DPYD: variants seen among roughly 807,000 people sequenced by gnomAD.
DPYD encodes dihydropyrimidine dehydrogenase, also known as dihydropyrimidine dehydrogenase [NADP(+)].
A neutral mutation model predicts 116.2 loss-of-function variants in DPYD; 109 were observed. The observed-to-expected ratio is 0.94, with a 90% CI of 0.80 to 1.10. DPYD has a LOEUF of 1.10. DPYD is among the 50% of genes least tolerant of loss of function. DPYD has a pLI of 0.00. For synonymous variants in DPYD, 440 were observed against 432.0 expected, an observed-to-expected ratio of 1.02 and a Z score of -0.23; for missense variants, 1,302 against 1,254.5, an observed-to-expected ratio of 1.04 and a Z score of -0.57.
chr1:97,450,921 C>T (rs184604678), intron 13 of DPYD, among the ~76,000 whole-genome samples: 1 of 152,192 alleles, frequency 6.6e-6, no homozygotes, highest in East Asian at 1.9e-4. Flanking sequence ...GCTTCTAAAG[C>T]TGTATTAACG....
chr1:97,183,814 G>C (rs758783972), intron 20 of DPYD, among the ~76,000 whole-genome samples: 1 of 151,940 alleles, frequency 6.6e-6, no homozygotes, highest in Non-Finnish European at 1.5e-5. Flanking sequence ...TTGTAATAAA[G>C]GTAAACTCGT....
In DPYD at chr1:97,223,370, G is replaced by T. The variant is rs887326115; in HGVS notation, c.2442+11482C>A. Reference sequence around the variant, plus strand: ...CTATTAACTTTAGTGACAAACCCACGCAGAAAAGATAGAATTAAACACACA... The same window carrying T: ...CTATTAACTTTAGTGACAAACCCACTCAGAAAAGATAGAATTAAACACACA... On this transcript the variant is annotated intron_variant, in intron 19 of 22. Transcript: ENST00000370192. Among the ~76,000 whole-genome samples, 5 of 140,406 alleles carry T rather than the reference G, an allele frequency of 3.6e-5. No homozygotes were observed. The East Asian group carries it at 1.4e-3, about 41-fold the overall frequency. The allele number at this position is 140,406 out of a possible 152,430, so 92.1% of individuals were successfully genotyped here.
At chr1:97,832,490 A>G (rs533049692) in intron 2 of DPYD, among the ~76,000 whole-genome samples, 1 of 152,300 alleles carries the variant, frequency 6.6e-6, no homozygotes, top group East Asian at 1.9e-4. Context: ...ATCTGTCTGG[A>G]AGTGCTATAC....
chr1:97,852,503 C>A (rs1470294146), intron 2 of DPYD, among the ~76,000 whole-genome samples: 1 of 152,062 alleles, frequency 6.6e-6, no homozygotes, highest in African/African-American at 2.4e-5. Flanking sequence ...AACATGGAAT[C>A]TATTACAGTA....
chr1:97,548,909 A>G (rs1353595907), intron 12 of DPYD, among the ~76,000 whole-genome samples: 1 of 152,150 alleles, frequency 6.6e-6, no homozygotes, highest in Non-Finnish European at 1.5e-5. Flanking sequence ...TAAGATTATA[A>G]TTAATGTAGA....
intron 3 of DPYD, among the ~76,000 whole-genome samples, chr1:97,744,457 A>T (rs1023175580): frequency 2.0e-5 from 3 of 151,980 alleles, no homozygotes; most frequent in African/African-American, 7.2e-5. Flanking sequence ...AAATAATAAT[A>T]AAAAAACACA....
At chr1:97,636,165 C>T (rs1657547883) in intron 8 of DPYD, among the ~76,000 whole-genome samples, 1 of 152,078 alleles carries the variant, frequency 6.6e-6, no homozygotes, top group Admixed American at 6.6e-5. Context: ...CTAAGCCAGG[C>T]TCACTTAGCA....
chr1:97,901,027 T>C (rs574986585), intron 1 of DPYD, among the ~76,000 whole-genome samples: 1 of 152,002 alleles, frequency 6.6e-6, no homozygotes, highest in African/African-American at 2.4e-5. Flanking sequence ...TAAAAAATGA[T>C]ATAAGAACAT....
intron 12 of DPYD, 28 bp from the exon 13 acceptor site, chr1:97,515,969 T>G (rs376779473): frequency 6.3e-7 from 1 of 1,587,096 alleles, no homozygotes; most frequent in Admixed American, 1.7e-5. Context: ...ATACTTGGTT[T>G]CATATTACAT....
intron 18 of DPYD, among the ~76,000 whole-genome samples, chr1:97,257,332 A>G (rs1663549345): frequency 6.6e-6 from 1 of 151,738 alleles, no homozygotes; most frequent in Non-Finnish European, 1.5e-5. Flanking sequence ...TTTATACTAC[A>G]TAAATGAGAC....
chr1:97,675,749 CTCTT>C (rs1660107546), intron 8 of DPYD, among the ~76,000 whole-genome samples: 1 of 150,628 alleles, frequency 6.6e-6, no homozygotes, highest in Non-Finnish European at 1.5e-5. Context: ...GAGAAAGTAT[CTCTT>C]TTTTTTTTTT....
chr1:97,593,373 G>A lies in DPYD; in HGVS notation c.973C>T (p.His325Tyr). 6.2e-7 allele frequency: 1 copy of A among 1,614,082 alleles called. No individual in the cohort carries two copies. The change falls in exon 10 of 23, where the codon CAC (histidine) becomes TAC (tyrosine). Residue 325 changes from histidine to tyrosine, a missense_variant. Physicochemically the swap from His to Tyr is moderately conservative, Grantham distance 83 (BLOSUM62 2). Coordinates refer to ENST00000370192, the MANE Select transcript of DPYD (RefSeq NM_000110.4). ...KGSKAGMCACHSPLPSIRGVV... is the reference protein window; with the variant it reads ...KGSKAGMCACYSPLPSIRGVV... ...CCCCGTATCGATGGCAATGGAGAGTGACAGGCGCACATTCCTGAATGATGA... is the reference window on the plus strand; with the variant it reads ...CCCCGTATCGATGGCAATGGAGAGTAACAGGCGCACATTCCTGAATGATGA...
chr1:97,857,299 A>G (rs1426706429), intron 2 of DPYD, among the ~76,000 whole-genome samples: 1 of 152,140 alleles, frequency 6.6e-6, no homozygotes, highest in Non-Finnish European at 1.5e-5. Context: ...CCTGGCATAC[A>G]ACTCCTAAAA....
At chr1:97,251,478 T>C (rs1003898694) in intron 18 of DPYD, among the ~76,000 whole-genome samples, 1 of 150,262 alleles carries the variant, frequency 6.7e-6, no homozygotes, top group African/African-American at 2.4e-5. Context: ...GGACTGAAGA[T>C]CATCATCTAC....
chr1:97,845,309 C>T (rs1670238334), intron 2 of DPYD, among the ~76,000 whole-genome samples: 1 of 152,178 alleles, frequency 6.6e-6, no homozygotes, highest in African/African-American at 2.4e-5. Context: ...CACTTACTCC[C>T]TTCTGAAGCC....
At chr1:97,645,218 T>G (rs910670703) in intron 8 of DPYD, among the ~76,000 whole-genome samples, 2 of 152,102 alleles carry the variant, frequency 1.3e-5, no homozygotes, top group Non-Finnish European at 2.9e-5. Context: ...TGTATGTAAT[T>G]TCCAAGAGGT....
At position 97,109,781 on chromosome 1, in the gene DPYD, C is replaced by A. The variant is rs145911298; in HGVS notation, c.2623-11149G>T. 1.1e-3 allele frequency among the ~76,000 whole-genome samples: 161 copies of A among 151,998 alleles called. 1 individual carries two copies. Among genetic ancestry groups the A allele is most frequent in the African/African-American group, 3.6e-3 (150 of 41,486 alleles). Reference sequence around the variant, plus strand: ...ATGAAATGATCATCATTTTGAAAGTCAATTTTTAGTAGTTCTATGCTAAGC... The same window carrying A: ...ATGAAATGATCATCATTTTGAAAGTAAATTTTTAGTAGTTCTATGCTAAGC... On this transcript the variant is annotated intron_variant, in intron 20 of 22. Transcript: ENST00000370192.
chr1:97,748,463 G>T (rs1050090324), intron 3 of DPYD, among the ~76,000 whole-genome samples: 1 of 152,048 alleles, frequency 6.6e-6, no homozygotes, highest in Non-Finnish European at 1.5e-5. Flanking sequence ...AAAAAAATTA[G>T]CCAGGCGTGG....
At chr1:97,338,550 A>C (rs1558040283) in intron 16 of DPYD, among the ~76,000 whole-genome samples, 1 of 152,138 alleles carries the variant, frequency 6.6e-6, no homozygotes, top group Non-Finnish European at 1.5e-5. Flanking sequence ...GTCCTTCAGG[A>C]GGTTGCCTCA....
Sources: gnomAD v4.1 joint callset for allele counts (sites outside exome capture counted in the v4.1 genomes callset) on GRCh38, gnomAD v4.1.1 for gene constraint, MANE v1.5 for transcripts, NCBI Gene and HGNC (gene_info 2026-07-23, HGNC 2026-07-21) for gene names.